The following SOX6 variants were observed in gnomAD, a reference collection of about 807,000 sequenced individuals.
SOX6 encodes transcription factor SOX-6.
SOX6 carries 11 observed loss-of-function variants against 97.8 expected under a neutral mutation model. The observed-to-expected ratio is 0.11, with a 90% CI of 0.07 to 0.19. The LOEUF (loss-of-function observed/expected upper bound fraction) is 0.19, where lower values mean the gene tolerates loss of function less well. Ranked by LOEUF, SOX6 falls within the 10% of genes least tolerant of loss-of-function variation. SOX6 has a pLI of 1.00. For synonymous variants in SOX6, 360 were observed against 371.4 expected, an observed-to-expected ratio of 0.97 and a Z score of 0.35; for missense variants, 810 against 1,039.5, an observed-to-expected ratio of 0.78 and a Z score of 3.04.
intron 9 of SOX6, among the ~76,000 whole-genome samples, chr11:16,061,607 C>T (rs1158194649): frequency 1.3e-5 from 2 of 151,750 alleles, no homozygotes; most frequent in Non-Finnish European, 2.9e-5. Context: ...GCAAAAAGAA[C>T]AAAGCTGGAG....
intron 1 of SOX6, among the ~76,000 whole-genome samples, chr11:16,355,038 G>A (rs1022680569): frequency 6.6e-5 from 10 of 151,938 alleles, no homozygotes; most frequent in Admixed American, 5.9e-4. Context: ...ATCAACTTGA[G>A]GAGTCATAGA....
chr11:16,655,730 C>T lies in SOX6; in HGVS notation n.430-43470G>A, dbSNP rs1220542676. 2.0e-5 allele frequency among the ~76,000 whole-genome samples: 3 copies of T among 152,284 alleles called. No homozygotes were observed. The East Asian group carries it at 5.8e-4, about 29-fold the overall frequency. On this transcript the variant is annotated intron_variant and non_coding_transcript_variant, in intron 3 of 5. Coordinates refer to the SOX6 transcript ENST00000524520. ...TCTTTCTTACATGCCCCTTCACTGGCTCTGTCATGTTTTTTATCTCTAGGT... is the reference window on the plus strand; with the variant it reads ...TCTTTCTTACATGCCCCTTCACTGGTTCTGTCATGTTTTTTATCTCTAGGT...
intron 1 of SOX6, among the ~76,000 whole-genome samples, chr11:16,447,173 C>T (rs188154622): frequency 1.3e-5 from 2 of 152,098 alleles, no homozygotes; most frequent in Non-Finnish European, 2.9e-5. Context: ...CTTTGCAATA[C>T]AACTCTTCAC....
chr11:16,283,412 G>A (rs1363433571), intron 3 of SOX6, among the ~76,000 whole-genome samples: 4 of 151,284 alleles, frequency 2.6e-5, no homozygotes, highest in African/African-American at 9.7e-5. Context: ...ATTTTATGTT[G>A]TACAATAAAA....
At chr11:16,579,116 CT>C (rs1223502151) in intron 4 of SOX6, among the ~76,000 whole-genome samples, 2 of 152,142 alleles carry the variant, frequency 1.3e-5, no homozygotes, top group East Asian at 1.9e-4. Flanking sequence ...TTTACATATG[CT>C]TTTTAATACT....
intron 8 of SOX6, among the ~76,000 whole-genome samples, 155 bp from the exon 9 acceptor site, chr11:16,096,273 T>G (rs1848792288): frequency 6.6e-6 from 1 of 151,832 alleles, no homozygotes; most frequent in Non-Finnish European, 1.5e-5. Context: ...TACAGAAATT[T>G]GGTTACAGTA....
intron 6 of SOX6, among the ~76,000 whole-genome samples, chr11:16,182,351 G>C (rs1401914621): frequency 6.6e-6 from 1 of 151,762 alleles, no homozygotes; most frequent in Non-Finnish European, 1.5e-5. Context: ...AGGAGAAACA[G>C]AGAGAACTAA....
At chr11:16,081,688 T>C (rs1037792543) in intron 9 of SOX6, among the ~76,000 whole-genome samples, 3 of 152,164 alleles carry the variant, frequency 2.0e-5, no homozygotes, top group Non-Finnish European at 4.4e-5. Flanking sequence ...TCTTATGTGT[T>C]TTACTATAAT....
chr11:16,648,240 T>TC (rs1350297941), intron 3 of SOX6, among the ~76,000 whole-genome samples: 1 of 151,978 alleles, frequency 6.6e-6, no homozygotes, highest in Non-Finnish European at 1.5e-5. Flanking sequence ...GCTACCACTA[T>TC]CCCCCACTTG....
At chr11:16,113,306 T>A (rs1288261881) in intron 6 of SOX6, among the ~76,000 whole-genome samples, 1 of 152,236 alleles carries the variant, frequency 6.6e-6, no homozygotes, top group Non-Finnish European at 1.5e-5. Context: ...AATCAACTTA[T>A]AATAAAAAGG....
At chr11:16,192,735 A>G (rs1444669794) in intron 4 of SOX6, among the ~76,000 whole-genome samples, 1 of 152,224 alleles carries the variant, frequency 6.6e-6, no homozygotes, top group African/African-American at 2.4e-5. Flanking sequence ...TTATTGATAT[A>G]GCATGAAAAA....
chr11:16,393,987 G>T (rs1392603246), intron 1 of SOX6, among the ~76,000 whole-genome samples: 1 of 151,836 alleles, frequency 6.6e-6, no homozygotes, highest in Non-Finnish European at 1.5e-5. Context: ...GAAAAACAAG[G>T]TTTCAGTCCT....
At chr11:16,338,286 A>T (rs751653273) in intron 2 of SOX6, among the ~76,000 whole-genome samples, 1 of 152,028 alleles carries the variant, frequency 6.6e-6, no homozygotes, top group Non-Finnish European at 1.5e-5. Context: ...CTTCATATTT[A>T]TTTTAAAGTA....
intron 2 of SOX6, among the ~76,000 whole-genome samples, chr11:16,331,633 A>G (rs1225040421): frequency 6.7e-6 from 1 of 150,334 alleles, no homozygotes; most frequent in Non-Finnish European, 1.5e-5. Flanking sequence ...TCTTACAACT[A>G]GAACAAGTAC....
chr11:16,150,709 C>A (rs1485817542), intron 6 of SOX6, among the ~76,000 whole-genome samples: 1 of 152,186 alleles, frequency 6.6e-6, no homozygotes, highest in African/African-American at 2.4e-5. Context: ...CCTAGCATCA[C>A]TTTCACTGCT....
chr11:16,579,571 T>A (rs1848012608), intron 4 of SOX6, among the ~76,000 whole-genome samples: 1 of 152,140 alleles, frequency 6.6e-6, no homozygotes, highest in African/African-American at 2.4e-5. Context: ...TAGCTGTTTC[T>A]CTCTTTACTT....
At chr11:16,143,482 A>T (rs1413213710) in intron 6 of SOX6, among the ~76,000 whole-genome samples, 1 of 152,214 alleles carries the variant, frequency 6.6e-6, no homozygotes, top group Non-Finnish European at 1.5e-5. Flanking sequence ...TAATGACAGG[A>T]TCAAATTCAC....
At chr11:16,245,898 T>A (rs887427709) in intron 3 of SOX6, among the ~76,000 whole-genome samples, 5 of 151,430 alleles carry the variant, frequency 3.3e-5, no homozygotes, top group Non-Finnish European at 1.5e-5. Context: ...CTCTGCCTTT[T>A]AAAAATTAGT....
At chr11:16,138,657 G>A (rs182454430) in intron 6 of SOX6, among the ~76,000 whole-genome samples, 1,617 of 151,526 alleles carry the variant, frequency 0.011, 26 homozygotes, top group African/African-American at 0.038. Flanking sequence ...CCATTAACTC[G>A]TCATTTAGCA....
Sources: allele counts gnomAD v4.1 joint callset (sites outside exome capture counted in the v4.1 genomes callset), GRCh38; gene constraint gnomAD v4.1.1; transcripts MANE v1.5; gene names NCBI Gene and HGNC (gene_info 2026-07-23, HGNC 2026-07-21).